The following ANKH variants were observed in gnomAD, a reference collection of about 807,000 sequenced individuals.
ANKH encodes the protein ANKH inorganic pyrophosphate transport regulator.
In ANKH, 15 loss-of-function variants were observed where a neutral mutation model predicts 49.0. The ratio of observed to expected loss-of-function variants is 0.31; its 90% CI spans 0.20 to 0.47. The LOEUF (loss-of-function observed/expected upper bound fraction) is 0.47, where lower values mean the gene tolerates loss of function less well. Ranked by LOEUF, ANKH falls within the 20% of genes least tolerant of loss-of-function variation. The pLI is 1.00. For synonymous variants in ANKH, 273 were observed against 260.0 expected (o/e 1.05, Z -0.48); for missense variants, 429 against 652.0 (o/e 0.66, Z 3.72).
intron 1 of ANKH, chr5:14,871,026 AACT>A (rs926682517): frequency 2.4e-5 from 10 of 425,136 alleles, no homozygotes; most frequent in African/African-American, 1.8e-4. Flanking sequence ...AGCTACTAGA[AACT>A]ACATTTTAAT....
At chr5:14,820,248 G>C (rs528447575) in intron 1 of ANKH, among the ~76,000 whole-genome samples, 2 of 152,016 alleles carry the variant, frequency 1.3e-5, no homozygotes, top group African/African-American at 2.4e-5. Flanking sequence ...GTGTTTTTTA[G>C]TTTCATGAAT....
chr5:14,790,026 G>A (rs1488557549), intron 1 of ANKH, among the ~76,000 whole-genome samples: 1 of 152,112 alleles, frequency 6.6e-6, no homozygotes, highest in Non-Finnish European at 1.5e-5. Flanking sequence ...TTCATTTTGT[G>A]TAAAATTAAT....
At chr5:14,726,724 T>A (rs1561026258) in intron 8 of ANKH, among the ~76,000 whole-genome samples, 1 of 152,158 alleles carries the variant, frequency 6.6e-6, no homozygotes. Context: ...CAGGACACAC[T>A]CTCAGATTCC....
chr5:14,792,066 G>A lies in ANKH; in HGVS notation c.97-22875C>T, dbSNP rs1580071210. Among the ~76,000 whole-genome samples the A allele has an allele frequency of 2.6e-5, 4 of 152,320 alleles. No homozygotes were observed. In the South Asian group the frequency reaches 8.3e-4, roughly 32 times the overall value. On this transcript the variant is annotated intron_variant, in intron 1 of 11. Transcript: ENST00000284268. Reference sequence around the variant, plus strand: ...TGTGCTGAAGATGGTGAGGGTCCTGGATCCTTTGGGACGAGGGTGGAGGGC... The same window carrying A: ...TGTGCTGAAGATGGTGAGGGTCCTGAATCCTTTGGGACGAGGGTGGAGGGC...
chr5:14,739,712 C>A (rs531392377), intron 8 of ANKH, among the ~76,000 whole-genome samples: 1 of 152,346 alleles, frequency 6.6e-6, no homozygotes, highest in East Asian at 1.9e-4. Context: ...GCCCTGAAGG[C>A]TGGGCTGTAG....
chr5:14,791,869 A>C (rs1740178266), intron 1 of ANKH, among the ~76,000 whole-genome samples: 1 of 152,200 alleles, frequency 6.6e-6, no homozygotes, highest in Admixed American at 6.5e-5. Context: ...TTGGCTAAGA[A>C]GGATTTGTTC....
chr5:14,850,746 G>T (rs1742100586), intron 1 of ANKH, among the ~76,000 whole-genome samples: 1 of 152,208 alleles, frequency 6.6e-6, no homozygotes, highest in African/African-American at 2.4e-5. Flanking sequence ...TGAAACTAAT[G>T]AATGCTTGGA....
intron 8 of ANKH, among the ~76,000 whole-genome samples, chr5:14,731,109 T>C (rs1737986019): frequency 6.6e-6 from 1 of 152,204 alleles, no homozygotes; most frequent in African/African-American, 2.4e-5. Flanking sequence ...AAAGGCCATG[T>C]CGTCCTCCGG....
chr5:14,842,972 T>C lies in ANKH; in HGVS notation c.96+28380A>G, dbSNP rs117154213. On this transcript the variant is annotated intron_variant, in intron 1 of 11. Transcript: ENST00000284268. The stretch of plus-strand genomic sequence containing the variant: ...TCCATTCAGCATGCTGTGTTCCCAC[T>C]GTGGTTCTGCTGTTGGATAGCAAAG... Among the ~76,000 whole-genome samples, 105 of 152,300 alleles carry C rather than the reference T, an allele frequency of 6.9e-4. 2 individuals are homozygous for C. The East Asian group carries it at 0.015, about 22-fold the overall frequency.
At chr5:14,791,666 G>T (rs1740171294) in intron 1 of ANKH, among the ~76,000 whole-genome samples, 1 of 152,110 alleles carries the variant, frequency 6.6e-6, no homozygotes, top group Non-Finnish European at 1.5e-5. Flanking sequence ...GAATTTGACA[G>T]CTTTGGAAGG....
In ANKH at chr5:14,793,783, C is replaced by T. The variant is rs566804040; in HGVS notation, c.97-24592G>A. 5.3e-5 allele frequency among the ~76,000 whole-genome samples: 8 copies of T among 152,278 alleles called. No homozygotes were observed. The South Asian group carries it at 1.5e-3, about 28-fold the overall frequency. On this transcript the variant is annotated intron_variant, in intron 1 of 11. Transcript: ENST00000284268. ...GGCCTTGCGGGGGCAGTAAGTGAGG[C>T]CCTGGCAGGAGCATTTCTCTGCCTT...
intron 1 of ANKH, among the ~76,000 whole-genome samples, chr5:14,853,822 C>T (rs1742182710): frequency 6.6e-6 from 1 of 152,072 alleles, no homozygotes; most frequent in African/African-American, 2.4e-5. Context: ...AACATAAACC[C>T]ATACAAGGAA....
intron 1 of ANKH, among the ~76,000 whole-genome samples, chr5:14,833,560 C>G (rs1037214270): frequency 6.6e-6 from 1 of 152,284 alleles, no homozygotes; most frequent in Non-Finnish European, 1.5e-5. Flanking sequence ...CCCAAAGCTA[C>G]AAGAGAAAAG....
chr5:14,716,764 A>C lies in ANKH; in HGVS notation c.1083T>G (p.Phe361Leu). 1.2e-6 allele frequency: 2 copies of C among 1,614,206 alleles called. No individual in the cohort carries two copies. The highest frequency in any genetic ancestry group is 8.5e-7 in the Non-Finnish European group (1 of 1,179,996). The change falls in exon 9 of 12, where the codon TTT becomes TTG. Residue 361 changes from phenylalanine to leucine, a missense_variant. By Grantham distance (22) the Phe-to-Leu change is conservative. This residue lies in a region of ANKH where 378 missense variants were observed against 615.3 expected (regional missense o/e 0.61). Coordinates refer to ENST00000284268, the MANE Select transcript of ANKH (RefSeq NM_054027.6). Reference sequence around the variant, plus strand: ...GAACAACACAGAGTTCTGCAAAGGCAAAGTCCACTCCGATGATGTCTATCA... The same window carrying C: ...GAACAACACAGAGTTCTGCAAAGGCCAAGTCCACTCCGATGATGTCTATCA... ...KILIDIIGVD[F>L]AFAELCVVPL...
intron 1 of ANKH, among the ~76,000 whole-genome samples, chr5:14,811,283 G>A (rs1349432876): frequency 6.6e-6 from 1 of 152,144 alleles, no homozygotes; most frequent in Non-Finnish European, 1.5e-5. Context: ...AATAACCACA[G>A]CACAGCGACA....
At chr5:14,862,635 C>G (rs1039667916) in intron 1 of ANKH, among the ~76,000 whole-genome samples, 1 of 152,196 alleles carries the variant, frequency 6.6e-6, no homozygotes, top group Non-Finnish European at 1.5e-5. Context: ...TTCATGTCCA[C>G]AGACTTACTG....
intron 1 of ANKH, among the ~76,000 whole-genome samples, chr5:14,819,623 T>C (rs1370312386): frequency 6.6e-6 from 1 of 152,134 alleles, no homozygotes; most frequent in Non-Finnish European, 1.5e-5. Flanking sequence ...CCCAGCACTT[T>C]GGGAGGCCAA....
chr5:14,864,967 A>G (rs1376567445), intron 1 of ANKH, among the ~76,000 whole-genome samples: 1 of 152,218 alleles, frequency 6.6e-6, no homozygotes, highest in Admixed American at 6.5e-5. Flanking sequence ...TATGTTATAA[A>G]AATAAATCGG....
chr5:14,858,738 T>C (rs149147645), intron 1 of ANKH, among the ~76,000 whole-genome samples: 10,512 of 95,804 alleles, frequency 0.11, 554 homozygotes, highest in African/African-American at 0.22. Context: ...AATAAATAAA[T>C]AAATAAATAA....
Sources: gnomAD v4.1 joint callset for allele counts (sites outside exome capture counted in the v4.1 genomes callset) on GRCh38, gnomAD v4.1.1 for gene constraint, gnomAD v4.1.1 regional missense constraint, MANE v1.5 for transcripts, NCBI Gene and HGNC (gene_info 2026-07-23, HGNC 2026-07-21) for gene names.